Variants in ERAP1 observed in about 807,000 individuals in gnomAD.
The protein encoded by ERAP1 is endoplasmic reticulum aminopeptidase 1.
A neutral mutation model predicts 103.7 loss-of-function variants in ERAP1; 86 were observed. The observed-to-expected ratio is 0.83, with a 90% CI of 0.70 to 0.99. The LOEUF (loss-of-function observed/expected upper bound fraction) is 0.99, where lower values mean the gene tolerates loss of function less well. Ranked by LOEUF, ERAP1 falls within the 50% of genes least tolerant of loss-of-function variation. The pLI, the probability that ERAP1 is intolerant of heterozygous loss-of-function variation, is 0.00. For missense variants in ERAP1, 1,009 were observed against 1,128.4 expected (o/e 0.89, Z 1.52); for synonymous variants, 398 against 402.4 (o/e 0.99, Z 0.13).
chr5:96,916,765 C>CTTT, the ERAP1 span, among the ~76,000 whole-genome samples: 5,497 of 144,978 alleles, frequency 0.038, 176 homozygotes, highest in Middle Eastern at 0.12. Flanking sequence ...ACCAGCCTAT[C>CTTT]TTTTTTTTTT....
chr5:96,933,418 T>C, the ERAP1 span, among the ~76,000 whole-genome samples: 4 of 152,068 alleles, frequency 2.6e-5, no homozygotes, highest in Non-Finnish European at 5.9e-5. Context: ...TTTGTATTTT[T>C]ACATGTCTTT....
the ERAP1 span, chr5:96,915,632 A>G: frequency 5.8e-6 from 6 of 1,033,616 alleles, no homozygotes; most frequent in Non-Finnish European, 8.3e-6. Flanking sequence ...ACATGATATA[A>G]TAAACATAAG....
At chr5:96,902,629 A>G in the ERAP1 span, 5 of 267,246 alleles carry the variant, frequency 1.9e-5, no homozygotes, top group Admixed American at 2.6e-4. Flanking sequence ...ATACCCACTA[A>G]TCTATTTTTA....
the ERAP1 span, among the ~76,000 whole-genome samples, chr5:96,867,787 A>G: frequency 1.3e-5 from 2 of 152,078 alleles, no homozygotes; most frequent in Non-Finnish European, 2.9e-5. Context: ...TTAATACTCT[A>G]TGTGGGCTGG....
In ERAP1 at chr5:96,775,784, T is replaced by C. The variant is rs1774147559; in HGVS notation, c.*612A>G. On this transcript the variant is annotated 3_prime_UTR_variant, in exon 19 of 19. Coordinates refer to ENST00000443439, the MANE Select transcript of ERAP1 (RefSeq NM_001040458.3). Reference sequence around the variant, plus strand: ...CAGCCCGAGGCATCCCGCAAGGGAATCAGGGAAGAACACCTCCACCTACTA... The same window carrying C: ...CAGCCCGAGGCATCCCGCAAGGGAACCAGGGAAGAACACCTCCACCTACTA... 5 of 241,368 alleles carry C rather than the reference T, an allele frequency of 2.1e-5. No individual in the cohort carries two copies. The South Asian group carries it at 7.5e-4, about 36-fold the overall frequency. 15.0% of individuals were successfully genotyped at this position (241,368 alleles called of 1,614,324 possible).
At chr5:96,829,352 T>C in the ERAP1 span, among the ~76,000 whole-genome samples, 1 of 152,228 alleles carries the variant, frequency 6.6e-6, no homozygotes, top group Non-Finnish European at 1.5e-5. Flanking sequence ...TACACTGGCA[T>C]ACTGACTTGT....
At chr5:96,882,570 A>G in the ERAP1 span, among the ~76,000 whole-genome samples, 1 of 152,248 alleles carries the variant, frequency 6.6e-6, no homozygotes, top group Non-Finnish European at 1.5e-5. Context: ...TGAGATGCAG[A>G]AGGTCACACT....
the ERAP1 span, among the ~76,000 whole-genome samples, chr5:96,855,913 G>A: frequency 3.3e-5 from 5 of 152,082 alleles, no homozygotes; most frequent in Non-Finnish European, 7.4e-5. Flanking sequence ...TGTGAGCCTT[G>A]TTAACTGCAA....
At chr5:96,820,159 T>C in the ERAP1 span, among the ~76,000 whole-genome samples, 1 of 152,164 alleles carries the variant, frequency 6.6e-6, no homozygotes, top group Non-Finnish European at 1.5e-5. Flanking sequence ...TGAAAGGATC[T>C]CTCAAAGTTC....
chr5:96,849,897 G>T, the ERAP1 span, among the ~76,000 whole-genome samples: 2 of 152,036 alleles, frequency 1.3e-5, no homozygotes, highest in African/African-American at 4.8e-5. Flanking sequence ...CATGGTACTG[G>T]CATAAAAGCA....
At chr5:96,841,904 T>C in the ERAP1 span, among the ~76,000 whole-genome samples, 1 of 152,116 alleles carries the variant, frequency 6.6e-6, no homozygotes, top group Non-Finnish European at 1.5e-5. Context: ...CAGTGTACAG[T>C]GTACCCAGTG....
chr5:96,850,116 A>C, the ERAP1 span, among the ~76,000 whole-genome samples: 1 of 152,208 alleles, frequency 6.6e-6, no homozygotes, highest in Non-Finnish European at 1.5e-5. Context: ...TTAAATGCTT[A>C]AATGTAAGAC....
chr5:96,804,154 C>T (rs1778298505), intron 1 of ERAP1, among the ~76,000 whole-genome samples: 2 of 152,194 alleles, frequency 1.3e-5, no homozygotes, highest in South Asian at 4.1e-4. Flanking sequence ...TTAACACGTA[C>T]TAGAAAGCAT....
the ERAP1 span, chr5:96,895,295 A>G: frequency 5.6e-6 from 9 of 1,613,070 alleles, no homozygotes; most frequent in Non-Finnish European, 7.6e-6. Context: ...ATTTGGCTTA[A>G]GGAGGGTTTT....
the ERAP1 span, chr5:96,814,200 G>A: frequency 5.9e-5 from 27 of 455,106 alleles, no homozygotes; most frequent in Non-Finnish European, 1.0e-4. Context: ...ATTGACTATC[G>A]GATTGAGAAC....
the ERAP1 span, chr5:96,912,874 C>T: frequency 7.9e-7 from 1 of 1,262,082 alleles, no homozygotes; most frequent in Non-Finnish European, 1.1e-6. Flanking sequence ...ACTTCAGCCA[C>T]CAGTTTTAAA....
the ERAP1 span, among the ~76,000 whole-genome samples, chr5:96,882,246 T>G: frequency 6.6e-6 from 1 of 152,248 alleles, no homozygotes; most frequent in Non-Finnish European, 1.5e-5. Flanking sequence ...TTCATTTTTT[T>G]CAAATGCCGA....
intron 19 of ERAP1, among the ~76,000 whole-genome samples, chr5:96,766,414 T>G (rs933622447): frequency 6.6e-6 from 1 of 152,178 alleles, no homozygotes; most frequent in Admixed American, 6.5e-5. Flanking sequence ...CCAAGAAATG[T>G]GATTCTCTCT....
At chr5:96,893,764 A>G in the ERAP1 span, among the ~76,000 whole-genome samples, 1 of 152,158 alleles carries the variant, frequency 6.6e-6, no homozygotes, top group Admixed American at 6.5e-5. Context: ...TAACCCTGGC[A>G]AAGATTTCCT....
Sources: allele counts gnomAD v4.1 joint callset (sites outside exome capture counted in the v4.1 genomes callset), GRCh38; gene constraint gnomAD v4.1.1; transcripts MANE v1.5; gene names NCBI Gene and HGNC (gene_info 2026-07-23, HGNC 2026-07-21).